The following ADAM7 variants were observed in gnomAD, a reference collection of about 807,000 sequenced individuals.
ADAM7 encodes ADAM metallopeptidase domain 7, also known as disintegrin and metalloproteinase domain-containing protein 7.
Under a neutral mutation model 102.9 loss-of-function variants are expected in ADAM7, and 97 were observed. The observed-to-expected ratio is 0.94, with a 90% CI of 0.80 to 1.12. The LOEUF (loss-of-function observed/expected upper bound fraction) is 1.12. Among genes scored for constraint, ADAM7 ranks in the 50% most tolerant of loss-of-function variants. ADAM7 has a pLI of 0.00. For missense variants in ADAM7, 991 were observed against 908.7 expected, an observed-to-expected ratio of 1.09 and a Z score of -1.16; for synonymous variants, 334 against 304.4, an observed-to-expected ratio of 1.10 and a Z score of -1.01.
intron 20 of ADAM7, among the ~76,000 whole-genome samples, chr8:24,506,353 G>T (rs150629268): frequency 0.016 from 2,450 of 152,178 alleles, 21 homozygotes; most frequent in Non-Finnish European, 0.026. Flanking sequence ...GGGTTAGGGT[G>T]AGGAGAGTGA....
chr8:24,486,760 G>C (rs1820158236), intron 10 of ADAM7, among the ~76,000 whole-genome samples: 1 of 151,896 alleles, frequency 6.6e-6, no homozygotes, highest in Non-Finnish European at 1.5e-5. Context: ...CCACTTATGA[G>C]GGCTCTGCCC....
Position 24,493,083 on chromosome 8 carries a change from C to T in ADAM7, c.1696C>T (p.Leu566Phe), listed in dbSNP as rs1420495781. 9 of 1,609,782 alleles carry T rather than the reference C, an allele frequency of 5.6e-6. No homozygotes were observed. Among genetic ancestry groups the T allele is most frequent in the Non-Finnish European group, 7.6e-6 (9 of 1,178,330 alleles). Residue 566 changes from leucine to phenylalanine, a missense_variant, in exon 16 of 22, where the codon CTT becomes TTT. Physicochemically the swap from Leu to Phe is conservative, Grantham distance 22. Coordinates refer to ENST00000175238, the MANE Select transcript of ADAM7 (RefSeq NM_003817.4). ...AAAGATCTACTGCACTGGAGGGGAG[C>T]TTTCCTCTCTCCTTGGAGAAGACAA... ...CGKIYCTGGE[L>F]SSLLGEDKTY...
chr8:24,500,664 G>A (rs1466849879), intron 18 of ADAM7, 126 bp from the exon 19 acceptor site: 4 of 697,434 alleles, frequency 5.7e-6, no homozygotes, highest in Non-Finnish European at 9.4e-6. Flanking sequence ...AAATAATTGA[G>A]AGGAAAGGAG....
At chr8:24,482,351 T>C (rs370887425) in intron 9 of ADAM7, 40 bp downstream of exon 9, 8 of 1,557,960 alleles carry the variant, frequency 5.1e-6, no homozygotes, top group Non-Finnish European at 6.9e-6. Flanking sequence ...CTTTGGTGGA[T>C]TATTACAAAA....
At chr8:24,500,506 A>G (rs1015584729) in intron 18 of ADAM7, among the ~76,000 whole-genome samples, 2 of 152,148 alleles carry the variant, frequency 1.3e-5, no homozygotes, top group African/African-American at 4.8e-5. Context: ...CCCTCAACAC[A>G]CAAGGGCTTT....
chr8:24,472,342 G>A (rs1819635606), intron 7 of ADAM7, among the ~76,000 whole-genome samples: 1 of 151,758 alleles, frequency 6.6e-6, no homozygotes, highest in African/African-American at 2.4e-5. Context: ...AAAAAATTAA[G>A]TGGGTATCTG....
intron 7 of ADAM7, among the ~76,000 whole-genome samples, chr8:24,469,982 T>A (rs1248143322): frequency 6.6e-6 from 1 of 151,998 alleles, no homozygotes; most frequent in Non-Finnish European, 1.5e-5. Flanking sequence ...ATAAAGCTTA[T>A]AAAGAGTGAA....
At chr8:24,469,355 G>T (rs959262559) in intron 7 of ADAM7, among the ~76,000 whole-genome samples, 1 of 152,156 alleles carries the variant, frequency 6.6e-6, no homozygotes, top group African/African-American at 2.4e-5. Context: ...AACTGCAAGA[G>T]ATAAGGGAAA....
chr8:24,479,303 T>C (rs1819871083), intron 8 of ADAM7, among the ~76,000 whole-genome samples: 6 of 152,164 alleles, frequency 3.9e-5, no homozygotes, highest in Admixed American at 3.9e-4. Context: ...TGGTAGGAGA[T>C]CTTGAATGGT....
At chr8:24,484,778 A>T (rs904565404) in intron 9 of ADAM7, among the ~76,000 whole-genome samples, 14 of 146,034 alleles carry the variant, frequency 9.6e-5, no homozygotes, top group Non-Finnish European at 3.0e-5. Context: ...ACCTTTCTAC[A>T]ATTTCAGTGT....
chr8:24,443,939 A>AAAATAAAAT (rs1381042850), intron 2 of ADAM7, among the ~76,000 whole-genome samples: 2 of 145,578 alleles, frequency 1.4e-5, no homozygotes, highest in African/African-American at 5.1e-5. Flanking sequence ...CTCAAAAAAT[A>AAAATAAAAT]AAAATAAAAT....
Position 24,508,630 on chromosome 8 carries a change from T to C in ADAM7, c.*84T>C. 2.5e-6 allele frequency: 4 copies of C among 1,601,128 alleles called. No individual in the cohort carries two copies. Among genetic ancestry groups the C allele is most frequent in the Non-Finnish European group, 3.4e-6 (4 of 1,172,540 alleles). On this transcript the variant is annotated 3_prime_UTR_variant, in exon 22 of 22. Transcript: ENST00000175238. The stretch of plus-strand genomic sequence containing the variant: ...ACGTCTTTACAACCTTACCTAGATA[T>C]CTGCTACTCACATTTTTGGTAGTGT...
In ADAM7 at chr8:24,466,829, C is replaced by A; in HGVS notation, c.420C>A (p.Tyr140Ter). Residue 140 changes from tyrosine (Y) to a stop codon, truncating the protein, a stop_gained, in exon 6 of 22, where the codon TAC (tyrosine) becomes TAA (stop). Transcript: ENST00000175238. LOFTEE classifies it high-confidence loss of function. ...TCTTCAGAATAAACGACCAAAGATA[C>A]CTCATTGAACCAGTGAAATACTCAG... ...RGFFRINDQR[Y>*]LIEPVKYSDE... The A allele has an allele frequency of 6.2e-7, 1 of 1,613,446 alleles. No homozygotes were observed. The highest frequency in any genetic ancestry group is 1.1e-5 in the South Asian group (1 of 90,832).
chr8:24,485,216 A>T lies in ADAM7; in HGVS notation c.876-61A>T, dbSNP rs555691404. 10 of 1,462,724 alleles carry T rather than the reference A, an allele frequency of 6.8e-6. No homozygotes were observed. The Admixed American group carries it at 1.0e-4, about 15-fold the overall frequency. 90.6% of individuals were successfully genotyped at this position (1,462,724 alleles called of 1,614,324 possible). Reference sequence around the variant, plus strand: ...CATTGCTGGGGTTCACTGCAATTTGATCTTTGTGTTAATTAAACTACTAAC... The same window carrying T: ...CATTGCTGGGGTTCACTGCAATTTGTTCTTTGTGTTAATTAAACTACTAAC... On this transcript the variant is annotated intron_variant, in intron 9 of 21. Transcript: ENST00000175238.
chr8:24,492,274 T>C, intron 14 of ADAM7, 176 bp downstream of exon 14: 1 of 713,432 alleles, frequency 1.4e-6, no homozygotes, highest in Non-Finnish European at 2.3e-6. Flanking sequence ...ACGTCTAATA[T>C]TAACTATCTC....
chr8:24,485,097 C>A (rs576815408), intron 9 of ADAM7, among the ~76,000 whole-genome samples, 180 bp from the exon 10 acceptor site: 1 of 152,212 alleles, frequency 6.6e-6, no homozygotes, highest in African/African-American at 2.4e-5. Flanking sequence ...CTCTAATATC[C>A]CACAGGTTAA....
rs751157751 is a variant in ADAM7, at chr8:24,466,896, C to A, written c.487C>A (p.Pro163Thr). The A allele has an allele frequency of 1.2e-6, 2 of 1,613,870 alleles. No individual in the cohort carries two copies. Among genetic ancestry groups the A allele is most frequent in the Non-Finnish European group, 1.7e-6 (2 of 1,179,846 alleles). The change falls in exon 6 of 22, where the codon CCG (proline) becomes ACG (threonine). Residue 163 changes from proline (P) to threonine (T), a missense_variant. Physicochemically the swap from Pro to Thr is conservative, Grantham distance 38. Coordinates refer to ENST00000175238, the MANE Select transcript of ADAM7 (RefSeq NM_003817.4). ...HLVFKYNLRV[P>T]YGANYSCTEL... Reference sequence around the variant, plus strand: ...GGTGTTCAAATATAACCTGAGGGTGCCGTATGGTGCCAATTATTCCTGTAC... The same window carrying A: ...GGTGTTCAAATATAACCTGAGGGTGACGTATGGTGCCAATTATTCCTGTAC...
At chr8:24,442,352 T>C in intron 1 of ADAM7, 121 bp from the exon 2 acceptor site, 1 of 746,292 alleles carries the variant, frequency 1.3e-6, no homozygotes, top group Non-Finnish European at 2.5e-6. Flanking sequence ...CATTTCATAG[T>C]GTTGCTGTCC....
chr8:24,498,990 A>C (rs1258953407), intron 16 of ADAM7, among the ~76,000 whole-genome samples: 3 of 152,078 alleles, frequency 2.0e-5, no homozygotes, highest in Non-Finnish European at 2.9e-5. Context: ...ATGAGTTTAA[A>C]ATATTTCTTT....
Sources: allele counts gnomAD v4.1 joint callset (sites outside exome capture counted in the v4.1 genomes callset), GRCh38; gene constraint gnomAD v4.1.1; transcripts MANE v1.5; gene names NCBI Gene and HGNC (gene_info 2026-07-23, HGNC 2026-07-21).